The following CREBBP variants were observed in gnomAD, a reference collection of about 807,000 sequenced individuals.
The protein encoded by CREBBP is CREB-binding protein.
In CREBBP, 19 loss-of-function variants were observed where a neutral mutation model predicts 265.0. The ratio of observed to expected loss-of-function variants is 0.07; its 90% CI spans 0.05 to 0.11. The LOEUF (loss-of-function observed/expected upper bound fraction) is 0.11, where lower values mean the gene tolerates loss of function less well. Among genes scored for constraint, CREBBP ranks in the 10% least tolerant of loss-of-function variants. The pLI is 1.00. For missense variants in CREBBP, 2,525 were observed against 3,219.0 expected (o/e 0.78, Z 5.22); for synonymous variants, 1,457 against 1,223.7 (o/e 1.19, Z -3.98).
At chr16:3,732,716 T>G (rs1389236840) in intron 28 of CREBBP, among the ~76,000 whole-genome samples, 1 of 151,988 alleles carries the variant, frequency 6.6e-6, no homozygotes, top group African/African-American at 2.4e-5. Context: ...ATCATTTTTT[T>G]TGAGACAGAG....
chr16:3,796,923 T>TC (rs1482896343), intron 3 of CREBBP, among the ~76,000 whole-genome samples: 7 of 152,226 alleles, frequency 4.6e-5, no homozygotes, highest in East Asian at 1.9e-4. Flanking sequence ...TCTCTGTCTT[T>TC]CCCCATGGAA....
chr16:3,789,485 T>C (rs888560142), intron 5 of CREBBP, among the ~76,000 whole-genome samples: 11 of 152,234 alleles, frequency 7.2e-5, no homozygotes, highest in Admixed American at 5.9e-4. Context: ...CTGACTTGTC[T>C]CTACCTCGGT....
At chr16:3,872,671 G>A (rs566176346) in intron 1 of CREBBP, among the ~76,000 whole-genome samples, 341 of 152,360 alleles carry the variant, frequency 2.2e-3, no homozygotes, top group Non-Finnish European at 3.8e-3. Flanking sequence ...CAGACGGCAC[G>A]GCCAGGAGCT....
At chr16:3,849,448 T>TGTGTGTGTGTGTGTGTGTGTGTG in intron 2 of CREBBP, among the ~76,000 whole-genome samples, 1 of 50,394 alleles carries the variant, frequency 2.0e-5, no homozygotes, top group East Asian at 8.9e-4. Flanking sequence ...TGTGTGTGTG[T>TGTGTGTGTGTGTGTGTGTGTGTG]GTGTGTGTGT....
chr16:3,769,021 T>A (rs536410987), intron 15 of CREBBP, among the ~76,000 whole-genome samples, 153 bp downstream of exon 15: 1 of 152,094 alleles, frequency 6.6e-6, no homozygotes, highest in African/African-American at 2.4e-5. Context: ...CTGTTTTCAA[T>A]CAATTTCCTA....
At position 3,773,771 on chromosome 16, in the gene CREBBP, C is replaced by A. The variant is rs1382941447; in HGVS notation, c.2443G>T (p.Ala815Ser). The A allele has an allele frequency of 1.9e-6, 3 of 1,613,796 alleles. No homozygotes were observed. The highest frequency in any genetic ancestry group is 1.3e-5 in the African/African-American group (1 of 74,934). Residue 815 changes from alanine (A) to serine (S), a missense_variant, in exon 13 of 31, where the codon GCC (alanine) becomes TCC (serine). Ala to Ser is a moderately conservative substitution (Grantham distance 99). This residue lies in a region of CREBBP where 548 missense variants were observed against 533.0 expected (regional missense o/e 1.03). Transcript: ENST00000262367. ...AMSVGMGQPP[A>S]QTGVSQGQVP... ...AGTACCTGTGACACGCCTGTTTGGG[C>A]TGGCGGCTGCCCCATGCCCACACTC...
At chr16:3,810,410 A>C (rs542232914) in intron 3 of CREBBP, among the ~76,000 whole-genome samples, 193 bp downstream of exon 3, 21 of 152,136 alleles carry the variant, frequency 1.4e-4, no homozygotes, top group African/African-American at 4.8e-4. Context: ...ATCCTCACCT[A>C]TCTCTCCTGT....
intron 3 of CREBBP, among the ~76,000 whole-genome samples, chr16:3,800,021 A>G (rs1349925156): frequency 1.3e-5 from 2 of 152,226 alleles, no homozygotes; most frequent in South Asian, 2.1e-4. Flanking sequence ...TTAAATTGTA[A>G]AAGTATGGGA....
rs1567360757 is a variant in CREBBP at position 3,849,450 on chromosome 16, T to TGTGTGTGTGTG, written c.798+836_798+846dup. ...GTGTGTGTGTGTGTGTGTGTGTGTG[T>TGTGTGTGTGTG]GTGTGTGTGTGTGTGTGTGTGTGTG... is the stretch of plus-strand genomic sequence containing the variant. On this transcript the variant is annotated intron_variant, in intron 2 of 30. Coordinates refer to ENST00000262367, the MANE Select transcript of CREBBP (RefSeq NM_004380.3). Among the ~76,000 whole-genome samples, 5 of 66,774 alleles carry TGTGTGTGTGTG rather than the reference T, an allele frequency of 7.5e-5. 1 individual carries two copies. Among genetic ancestry groups the TGTGTGTGTGTG allele is most frequent in the East Asian group, 5.2e-4 (1 of 1,906 alleles). The allele number at this position is 66,774 out of a possible 152,430, so 43.8% of individuals were successfully genotyped here.
chr16:3,857,509 T>C (rs956783970), intron 1 of CREBBP, among the ~76,000 whole-genome samples: 2 of 152,192 alleles, frequency 1.3e-5, no homozygotes, highest in African/African-American at 4.8e-5. Context: ...GCCAGGATAT[T>C]GCAACACAAC....
intron 2 of CREBBP, among the ~76,000 whole-genome samples, chr16:3,840,223 G>C (rs1008134809): frequency 3.3e-5 from 5 of 152,170 alleles, no homozygotes; most frequent in Non-Finnish European, 2.9e-5. Context: ...AAAAGCAACA[G>C]ACAAATGTAC....
At chr16:3,729,950 C>A in intron 30 of CREBBP, 76 bp from the exon 31 acceptor site, 2 of 1,569,492 alleles carry the variant, frequency 1.3e-6, no homozygotes, top group Admixed American at 1.9e-5. Context: ...TGCTTCCCTC[C>A]ACCGCTAAGT....
chr16:3,764,803 G>C (rs1004948739), intron 16 of CREBBP, among the ~76,000 whole-genome samples: 1 of 151,904 alleles, frequency 6.6e-6, no homozygotes, highest in Admixed American at 6.6e-5. Context: ...GGCTAGTCTT[G>C]AACTCCTGGC....
At chr16:3,872,812 A>G (rs996625289) in intron 1 of CREBBP, among the ~76,000 whole-genome samples, 3 of 152,206 alleles carry the variant, frequency 2.0e-5, no homozygotes, top group African/African-American at 7.2e-5. Flanking sequence ...AATGCATGGA[A>G]AACAGGCAGG....
chr16:3,760,076 G>A (rs188451122), intron 16 of CREBBP, among the ~76,000 whole-genome samples: 1 of 152,114 alleles, frequency 6.6e-6, no homozygotes, highest in Non-Finnish European at 1.5e-5. Flanking sequence ...TTTTTTCTTG[G>A]TGTTCTTTAA....
chr16:3,781,943 T>A (rs1241091387), intron 6 of CREBBP, among the ~76,000 whole-genome samples: 1 of 152,234 alleles, frequency 6.6e-6, no homozygotes, highest in East Asian at 1.9e-4. Context: ...AAGATGACTT[T>A]AGCTGGGCAT....
chr16:3,871,311 T>C (rs1567379127), intron 1 of CREBBP, among the ~76,000 whole-genome samples: 1 of 152,082 alleles, frequency 6.6e-6, no homozygotes, highest in East Asian at 1.9e-4. Flanking sequence ...GGACTCACAG[T>C]CTACTCTGAG....
intron 8 of CREBBP, among the ~76,000 whole-genome samples, chr16:3,779,249 C>T (rs1461615397): frequency 1.3e-5 from 2 of 152,112 alleles, no homozygotes; most frequent in African/African-American, 2.4e-5. Context: ...TCATAGCTCA[C>T]TGCAACTTTG....
chr16:3,769,148 A>G (rs1190870491), intron 15 of CREBBP, 26 bp downstream of exon 15: 1 of 1,613,452 alleles, frequency 6.2e-7, no homozygotes, highest in Non-Finnish European at 8.5e-7. Flanking sequence ...TACGCAGTCA[A>G]TGCATTCCTA....
Sources: allele counts gnomAD v4.1 joint callset (sites outside exome capture counted in the v4.1 genomes callset), GRCh38; gene constraint gnomAD v4.1.1; regional missense constraint gnomAD v4.1.1; transcripts MANE v1.5; gene names NCBI Gene and HGNC (gene_info 2026-07-23, HGNC 2026-07-21).